Variants in PLCL1 observed in about 807,000 individuals in gnomAD.
PLCL1 encodes phospholipase C like 1 (inactive).
Under a neutral mutation model 84.4 loss-of-function variants are expected in PLCL1, and 41 were observed. The observed-to-expected ratio is 0.49, with a 90% CI of 0.38 to 0.63. The LOEUF (loss-of-function observed/expected upper bound fraction) is 0.63. Among genes scored for constraint, PLCL1 ranks in the 30% least tolerant of loss-of-function variants. The probability of loss-of-function intolerance (pLI) is 0.00; values close to 1 mark genes in which losing one functional copy is unlikely to be tolerated. For synonymous variants in PLCL1, 490 were observed against 488.3 expected (o/e 1.00, Z -0.05); for missense variants, 1,206 against 1,367.8 (o/e 0.88, Z 1.87).
chr2:197,875,769 C>A (rs1687721601), intron 1 of PLCL1, among the ~76,000 whole-genome samples: 1 of 150,850 alleles, frequency 6.6e-6, no homozygotes, highest in South Asian at 2.1e-4. Context: ...TGTTTTGTCT[C>A]TATTGTGATA....
chr2:197,899,967 C>T (rs944150526), intron 1 of PLCL1, among the ~76,000 whole-genome samples: 7 of 152,340 alleles, frequency 4.6e-5, no homozygotes, highest in African/African-American at 1.7e-4. Flanking sequence ...AATGTTCTTC[C>T]TGTAGACTTT....
intron 1 of PLCL1, among the ~76,000 whole-genome samples, chr2:198,047,129 G>A (rs1187621945): frequency 1.3e-5 from 2 of 151,574 alleles, no homozygotes; most frequent in Admixed American, 6.6e-5. Flanking sequence ...TACTAGGCTT[G>A]CTTGAGTATG....
chr2:197,990,221 A>G (rs1690313417), intron 1 of PLCL1, among the ~76,000 whole-genome samples: 1 of 152,218 alleles, frequency 6.6e-6, no homozygotes, highest in Non-Finnish European at 1.5e-5. Context: ...GATGGGTAAA[A>G]AAAAGGAGGC....
intron 3 of PLCL1, among the ~76,000 whole-genome samples, chr2:198,095,319 T>C (rs1338100204): frequency 6.6e-6 from 1 of 152,206 alleles, no homozygotes; most frequent in Admixed American, 6.5e-5. Context: ...CTGAAGTAGG[T>C]AGTATAGTCA....
At chr2:198,126,835 T>G (rs1574331085) in intron 5 of PLCL1, among the ~76,000 whole-genome samples, 1 of 151,554 alleles carries the variant, frequency 6.6e-6, no homozygotes, top group Admixed American at 6.6e-5. Context: ...TCTTGGAGGG[T>G]GAGGCTGCAG....
intron 1 of PLCL1, among the ~76,000 whole-genome samples, chr2:198,076,267 A>C (rs1692575221): frequency 6.6e-6 from 1 of 152,076 alleles, no homozygotes; most frequent in African/African-American, 2.4e-5. Flanking sequence ...AAGATGTGTA[A>C]AATTTAGAGG....
intron 1 of PLCL1, among the ~76,000 whole-genome samples, chr2:197,906,383 G>A (rs910491096): frequency 6.6e-6 from 1 of 151,694 alleles, no homozygotes; most frequent in South Asian, 2.1e-4. Flanking sequence ...GATGTGTGGT[G>A]TTATTTCTGA....
intron 5 of PLCL1, among the ~76,000 whole-genome samples, chr2:198,108,548 A>C (rs749412517): frequency 2.0e-5 from 3 of 151,936 alleles, no homozygotes; most frequent in Non-Finnish European, 4.4e-5. Context: ...AGACTGAAAA[A>C]TAAATTGTTT....
At position 197,897,191 on chromosome 2, in the gene PLCL1, C is replaced by CCTTCTTCTCCTTCTTCTCCTT. The variant is rs373944277; in HGVS notation, c.240+91857_240+91858insTCTCCTTCTTCTCCTTCTTCT. On this transcript the variant is annotated intron_variant, in intron 1 of 5. Transcript: ENST00000428675. Reference sequence around the variant, plus strand: ...TTCTTCTTCTTCTTCTTCTTCTTCTCCTTCTCCTTCTTCTTTCTTCTTCCT... The same window carrying CCTTCTTCTCCTTCTTCTCCTT: ...TTCTTCTTCTTCTTCTTCTTCTTCTCCTTCTTCTCCTTCTTCTCCTTCTTCTCCTTCTTCTTTCTTCTTCCT... Among the ~76,000 whole-genome samples the CCTTCTTCTCCTTCTTCTCCTT allele has an allele frequency of 5.9e-4, 19 of 32,244 alleles. 1 individual carries two copies. The highest frequency in any genetic ancestry group is 7.2e-4 in the Admixed American group (2 of 2,760). The allele number at this position is 32,244 out of a possible 152,430, so 21.2% of individuals were successfully genotyped here.
At chr2:197,889,901 A>G (rs943076924) in intron 1 of PLCL1, among the ~76,000 whole-genome samples, 2 of 152,160 alleles carry the variant, frequency 1.3e-5, no homozygotes, top group African/African-American at 4.8e-5. Context: ...TAGGTTTCTT[A>G]TATAGTATAA....
chr2:198,134,832 G>C (rs1415979668), intron 5 of PLCL1, among the ~76,000 whole-genome samples: 1 of 152,154 alleles, frequency 6.6e-6, no homozygotes, highest in African/African-American at 2.4e-5. Flanking sequence ...CACTGTGGAG[G>C]TGGTGAAGCA....
chr2:197,939,542 G>T lies in PLCL1; in HGVS notation c.240+134203G>T, dbSNP rs1230168202. ...CTCTTCTCTGCCATCTTCTCCTCCT[G>T]GTTTCTTCATGTGGTCTTCCCTCTG... On this transcript the variant is annotated intron_variant, in intron 1 of 5. Coordinates refer to ENST00000428675, the MANE Select transcript of PLCL1 (RefSeq NM_006226.4). Among the ~76,000 whole-genome samples, 4 of 151,922 alleles carry T rather than the reference G, an allele frequency of 2.6e-5. No individual in the cohort carries two copies. In the East Asian group the frequency reaches 7.7e-4, roughly 29 times the overall value.
chr2:197,808,998 G>A (rs892813722), intron 1 of PLCL1, among the ~76,000 whole-genome samples: 1 of 152,122 alleles, frequency 6.6e-6, no homozygotes, highest in Non-Finnish European at 1.5e-5. Flanking sequence ...CTTGGGTGTT[G>A]TTCATGTCTC....
At chr2:197,828,860 C>G (rs1690989527) in intron 1 of PLCL1, among the ~76,000 whole-genome samples, 1 of 152,092 alleles carries the variant, frequency 6.6e-6, no homozygotes, top group Non-Finnish European at 1.5e-5. Flanking sequence ...CACTTTAACT[C>G]AAAAGTTAGG....
chr2:198,066,602 G>C (rs984141828), intron 1 of PLCL1, among the ~76,000 whole-genome samples: 1 of 151,956 alleles, frequency 6.6e-6, no homozygotes, highest in African/African-American at 2.4e-5. Flanking sequence ...TTTTTCTTTT[G>C]AAAATGTAAG....
At chr2:197,856,850 C>A (rs1687338439) in intron 1 of PLCL1, among the ~76,000 whole-genome samples, 1 of 152,120 alleles carries the variant, frequency 6.6e-6, no homozygotes, top group African/African-American at 2.4e-5. Context: ...TCTTCATTAC[C>A]TTTATTCTGT....
At chr2:198,098,696 T>C (rs1364099115) in intron 3 of PLCL1, among the ~76,000 whole-genome samples, 1 of 152,148 alleles carries the variant, frequency 6.6e-6, no homozygotes, top group Non-Finnish European at 1.5e-5. Flanking sequence ...GATTTTTGAG[T>C]CCTAATATGA....
At chr2:197,870,371 A>T (rs1371517367) in intron 1 of PLCL1, among the ~76,000 whole-genome samples, 1 of 152,046 alleles carries the variant, frequency 6.6e-6, no homozygotes, top group East Asian at 1.9e-4. Flanking sequence ...GACCTTTTTA[A>T]CATAGAATGT....
At chr2:198,113,295 A>T (rs1693665797) in intron 5 of PLCL1, among the ~76,000 whole-genome samples, 1 of 151,994 alleles carries the variant, frequency 6.6e-6, no homozygotes, top group African/African-American at 2.4e-5. Flanking sequence ...ATAATTTAAC[A>T]AATTTTTATT....
Sources: allele counts gnomAD v4.1 joint callset (sites outside exome capture counted in the v4.1 genomes callset), GRCh38; gene constraint gnomAD v4.1.1; transcripts MANE v1.5; gene names NCBI Gene and HGNC (gene_info 2026-07-23, HGNC 2026-07-21).